The following AVL9 variants were observed in gnomAD, a reference collection of about 807,000 sequenced individuals.
AVL9 encodes the protein late secretory pathway protein AVL9 homolog.
AVL9 carries 49 observed loss-of-function variants against 79.2 expected under a neutral mutation model. That is an observed-to-expected ratio of 0.62 (90% CI 0.49 to 0.79). The LOEUF (loss-of-function observed/expected upper bound fraction) is 0.79, where lower values mean the gene tolerates loss of function less well. Ranked by LOEUF, AVL9 falls within the 30% of genes least tolerant of loss-of-function variation. The probability of loss-of-function intolerance (pLI) is 0.00; values close to 1 mark genes in which losing one functional copy is unlikely to be tolerated. For missense variants in AVL9, 682 were observed against 776.8 expected (o/e 0.88, Z 1.45); for synonymous variants, 299 against 280.6 (o/e 1.07, Z -0.65).
chr7:32,566,517 A>G (rs1790574115), intron 10 of AVL9, among the ~76,000 whole-genome samples: 1 of 80,250 alleles, frequency 1.2e-5, no homozygotes, highest in Non-Finnish European at 2.3e-5. Context: ...GGGATAGAGA[A>G]TAAAAATAAA....
At chr7:32,542,820 G>A (rs1789275310) in intron 1 of AVL9, among the ~76,000 whole-genome samples, 1 of 152,134 alleles carries the variant, frequency 6.6e-6, no homozygotes, top group Non-Finnish European at 1.5e-5. Context: ...TCAGGGCCCT[G>A]TGGCTTCAAT....
At chr7:32,549,322 T>G (rs904642672) in intron 4 of AVL9, among the ~76,000 whole-genome samples, 2 of 151,404 alleles carry the variant, frequency 1.3e-5, no homozygotes, top group African/African-American at 2.4e-5. Flanking sequence ...CCTCCTAGGC[T>G]CAAGCAATCC....
intron 1 of AVL9, among the ~76,000 whole-genome samples, chr7:32,514,201 A>G (rs1787811185): frequency 6.6e-6 from 1 of 152,050 alleles, no homozygotes; most frequent in Non-Finnish European, 1.5e-5. Context: ...AGGGGCTGTA[A>G]GGTCTTTCCC....
intron 13 of AVL9, among the ~76,000 whole-genome samples, chr7:32,579,251 G>A (rs1401569906): frequency 7.7e-6 from 1 of 129,730 alleles, no homozygotes; most frequent in Non-Finnish European, 1.6e-5. Flanking sequence ...TTTTCCTACT[G>A]CCTGTATAAT....
intron 10 of AVL9, among the ~76,000 whole-genome samples, chr7:32,566,760 G>C (rs928285812): frequency 1.3e-5 from 2 of 152,024 alleles, no homozygotes; most frequent in African/African-American, 4.8e-5. Context: ...GTGGGCGCCT[G>C]TAGTCTCAGC....
At chr7:32,582,747 GTGCGATCT>G (rs2128158205) in intron 15 of AVL9, among the ~76,000 whole-genome samples, 1 of 152,144 alleles carries the variant, frequency 6.6e-6, no homozygotes, top group Non-Finnish European at 1.5e-5. Context: ...GTGCAATATG[GTGCGATCT>G]TGGCTCACTG....
intron 1 of AVL9, among the ~76,000 whole-genome samples, chr7:32,539,958 G>A (rs1025117983): frequency 1.9e-4 from 29 of 152,174 alleles, no homozygotes; most frequent in African/African-American, 6.3e-4. Flanking sequence ...CACTTTACCC[G>A]CCTGGATAAT....
chr7:32,555,447 G>C (rs1790011932), intron 8 of AVL9, among the ~76,000 whole-genome samples: 1 of 152,214 alleles, frequency 6.6e-6, no homozygotes, highest in Admixed American at 6.5e-5. Context: ...GCCCTGATTG[G>C]CTTAAACTTG....
At position 32,576,033 on chromosome 7, in the gene AVL9, A is replaced by ACAG. The variant is rs768641806; in HGVS notation, c.1652_1654dup (p.Ser551dup). 1 of 1,614,092 alleles carries ACAG rather than the reference A, an allele frequency of 6.2e-7. No homozygotes were observed. Among genetic ancestry groups the ACAG allele is most frequent in the Admixed American group, 1.7e-5 (1 of 60,010 alleles). The stretch of plus-strand genomic sequence containing the variant: ...AATACTCACAACTACAGGGTGTGGA[A>ACAG]CAGCAACAAGCATCCAGCACTTGCA... On this transcript the variant is annotated inframe_insertion, in exon 13 of 16. Transcript: ENST00000318709.
At chr7:32,583,766 CT>C in intron 15 of AVL9, 25 bp from the exon 16 acceptor site, 1 of 1,463,154 alleles carries the variant, frequency 6.8e-7, no homozygotes, top group Non-Finnish European at 9.5e-7. Flanking sequence ...GACATTTTTC[CT>C]TTTGTTTTTC....
At chr7:32,527,221 A>G (rs1355296461) in intron 1 of AVL9, among the ~76,000 whole-genome samples, 1 of 152,136 alleles carries the variant, frequency 6.6e-6, no homozygotes, top group Non-Finnish European at 1.5e-5. Flanking sequence ...TCAGCCATAA[A>G]TAATTTCCTG....
At chr7:32,543,540 CT>C (rs1312610153) in intron 2 of AVL9, among the ~76,000 whole-genome samples, 1 of 152,244 alleles carries the variant, frequency 6.6e-6, no homozygotes, top group East Asian at 1.9e-4. Flanking sequence ...TACATCTATA[CT>C]TCATACTCCT....
chr7:32,526,344 G>A (rs1788398222), intron 1 of AVL9, among the ~76,000 whole-genome samples: 1 of 152,154 alleles, frequency 6.6e-6, no homozygotes, highest in Non-Finnish European at 1.5e-5. Flanking sequence ...AGCAAAAGGG[G>A]CCGTCGTCCA....
rs896935549 is a variant in AVL9 at position 32,556,574 on chromosome 7, G to GT, written c.610-1975dup. On this transcript the variant is annotated intron_variant, in intron 8 of 15. Transcript: ENST00000318709. ...TCCTTCAAACAGAAAAAAAGATAAA[G>GT]TTTTTTTTTTAAAAATGAACCCAGC... Among the ~76,000 whole-genome samples, 295 of 148,678 alleles carry GT rather than the reference G, an allele frequency of 2.0e-3. 1 individual carries two copies. The highest frequency in any genetic ancestry group is 0.01 in the East Asian group (51 of 4,992).
chr7:32,517,012 CT>C (rs1395086237), intron 1 of AVL9, among the ~76,000 whole-genome samples: 1 of 152,118 alleles, frequency 6.6e-6, no homozygotes, highest in Admixed American at 6.6e-5. Context: ...TCTGCTGTTA[CT>C]TTTTTGCTGA....
At chr7:32,496,284 G>C (rs1786805985) in intron 1 of AVL9, among the ~76,000 whole-genome samples, 1 of 152,158 alleles carries the variant, frequency 6.6e-6, no homozygotes, top group South Asian at 2.1e-4. Context: ...AGAAAAATCA[G>C]CTTCCTTTGT....
At chr7:32,498,800 T>C (rs1786981348) in intron 1 of AVL9, among the ~76,000 whole-genome samples, 1 of 151,870 alleles carries the variant, frequency 6.6e-6, no homozygotes, top group Non-Finnish European at 1.5e-5. Flanking sequence ...AACTTTTTAC[T>C]GAATTGTTTA....
intron 8 of AVL9, among the ~76,000 whole-genome samples, chr7:32,558,186 G>GTC (rs1320183668): frequency 4.7e-5 from 7 of 148,642 alleles, no homozygotes; most frequent in African/African-American, 1.7e-4. Context: ...ATGAGACAGA[G>GTC]TCTCGCTCTC....
In AVL9 at chr7:32,529,283, G is replaced by A. The variant is rs373488707; in HGVS notation, c.94-13858G>A. ...CAAAGGGCAGATTGGTCATTTAAAA[G>A]TTACCTATGGGGTTAAAACAGAGGG... On this transcript the variant is annotated intron_variant, in intron 1 of 15. Coordinates refer to ENST00000318709, the MANE Select transcript of AVL9 (RefSeq NM_015060.3). Among the ~76,000 whole-genome samples the A allele has an allele frequency of 7.9e-4, 120 of 152,294 alleles. 1 individual carries two copies. In the South Asian group the frequency reaches 8.5e-3, roughly 11 times the overall value.
Sources: gnomAD v4.1 joint callset for allele counts (sites outside exome capture counted in the v4.1 genomes callset) on GRCh38, gnomAD v4.1.1 for gene constraint, MANE v1.5 for transcripts, NCBI Gene and HGNC (gene_info 2026-07-23, HGNC 2026-07-21) for gene names.